The following RAB10 variants were observed in gnomAD, a reference collection of about 807,000 sequenced individuals.
The protein encoded by RAB10 is ras-related protein Rab-10.
A neutral mutation model predicts 25.7 loss-of-function variants in RAB10; 5 were observed. The observed-to-expected ratio is 0.19, with a 90% CI of 0.10 to 0.41. The LOEUF is 0.41. Ranked by LOEUF, RAB10 falls within the 10% of genes least tolerant of loss-of-function variation. The pLI is 1.00. For missense variants in RAB10, 103 were observed against 245.8 expected (o/e 0.42, Z 3.89); for synonymous variants, 89 against 86.4 (o/e 1.03, Z -0.16).
chr2:26,090,327 G>T (rs780574954), intron 1 of RAB10, among the ~76,000 whole-genome samples: 3 of 151,960 alleles, frequency 2.0e-5, no homozygotes, highest in Non-Finnish European at 4.4e-5. Flanking sequence ...GTTGAGAGTT[G>T]ATCTTTTAAG....
At chr2:26,107,559 G>GC (rs1667490448) in intron 2 of RAB10, among the ~76,000 whole-genome samples, 1 of 152,158 alleles carries the variant, frequency 6.6e-6, no homozygotes, top group Non-Finnish European at 1.5e-5. Context: ...ACTTTGGGAG[G>GC]CTGAGGCGGG....
At chr2:26,103,020 T>C (rs1667376656) in intron 2 of RAB10, among the ~76,000 whole-genome samples, 1 of 152,216 alleles carries the variant, frequency 6.6e-6, no homozygotes, top group Admixed American at 6.5e-5. Context: ...CTTGCATATT[T>C]TTATGGAAAA....
chr2:26,060,565 G>A (rs927482811), intron 1 of RAB10, among the ~76,000 whole-genome samples: 1 of 152,118 alleles, frequency 6.6e-6, no homozygotes, highest in Non-Finnish European at 1.5e-5. Flanking sequence ...TGGGATTATA[G>A]GCATGAGCCA....
In RAB10 at chr2:26,120,963, G is replaced by T. The variant is rs191299536; in HGVS notation, c.328-6181G>T. Among the ~76,000 whole-genome samples the T allele has an allele frequency of 5.2e-3, 792 of 151,996 alleles. 3 individuals are homozygous for T. The highest frequency in any genetic ancestry group is 8.6e-3 in the Non-Finnish European group (583 of 67,984). On this transcript the variant is annotated intron_variant, in intron 3 of 5. Coordinates refer to ENST00000264710, the MANE Select transcript of RAB10 (RefSeq NM_016131.5). Reference sequence around the variant, plus strand: ...GTCTTGCTCTGTCACCCAGGCTGGAGTGCAGTGGTATCATCTCAGCTCACT... The same window carrying T: ...GTCTTGCTCTGTCACCCAGGCTGGATTGCAGTGGTATCATCTCAGCTCACT...
intron 4 of RAB10, 67 bp from the exon 5 acceptor site, chr2:26,127,783 C>T: frequency 9.3e-7 from 1 of 1,079,094 alleles, no homozygotes. Context: ...AATATTTAAG[C>T]TGTTAAAGTC....
intron 1 of RAB10, among the ~76,000 whole-genome samples, chr2:26,052,632 G>A (rs996843830): frequency 1.3e-5 from 2 of 152,088 alleles, no homozygotes; most frequent in African/African-American, 2.4e-5. Context: ...TTGAATCTGA[G>A]CAGCTAAAGG....
At chr2:26,083,817 T>C (rs1013527421) in intron 1 of RAB10, among the ~76,000 whole-genome samples, 1 of 152,072 alleles carries the variant, frequency 6.6e-6, no homozygotes, top group Non-Finnish European at 1.5e-5. Context: ...CTGCACCTGC[T>C]TAATCAATTG....
intron 5 of RAB10, among the ~76,000 whole-genome samples, chr2:26,130,262 A>T (rs1267089345): frequency 6.6e-6 from 1 of 152,190 alleles, no homozygotes; most frequent in Non-Finnish European, 1.5e-5. Context: ...TTTGAAGAGC[A>T]AAAGAATAGA....
In RAB10 at chr2:26,113,201, A is replaced by G. The variant is rs558700901; in HGVS notation, c.327+3295A>G. ...AGAACCTGTCAATGTAATACACCAT[A>G]TTAATAGACGACAAAACCATACAGT... On this transcript the variant is annotated intron_variant, in intron 3 of 5. Coordinates refer to ENST00000264710, the MANE Select transcript of RAB10 (RefSeq NM_016131.5). 2.0e-4 allele frequency among the ~76,000 whole-genome samples: 30 copies of G among 152,346 alleles called. 1 individual carries two copies. Among genetic ancestry groups the G allele is most frequent in the East Asian group, 1.3e-3 (7 of 5,192 alleles).
chr2:26,133,403 A>T (rs2149291346), intron 5 of RAB10, among the ~76,000 whole-genome samples: 1 of 152,318 alleles, frequency 6.6e-6, no homozygotes, highest in East Asian at 1.9e-4. Context: ...AGGAATAGAA[A>T]AAAACTAATC....
At chr2:26,054,788 T>C (rs1490483240) in intron 1 of RAB10, among the ~76,000 whole-genome samples, 1 of 152,038 alleles carries the variant, frequency 6.6e-6, no homozygotes, top group East Asian at 1.9e-4. Flanking sequence ...CTCAAGAGAG[T>C]TTATTTTGCT....
chr2:26,112,159 C>T (rs1251737575), intron 3 of RAB10, among the ~76,000 whole-genome samples: 1 of 152,144 alleles, frequency 6.6e-6, no homozygotes, highest in African/African-American at 2.4e-5. Flanking sequence ...ATGTGTTCAC[C>T]GAATTGGAAT....
chr2:26,070,257 T>A (rs1165985783), intron 1 of RAB10, among the ~76,000 whole-genome samples: 1 of 152,190 alleles, frequency 6.6e-6, no homozygotes, highest in Non-Finnish European at 1.5e-5. Context: ...GAGAACTTGC[T>A]ACAGGCAGAT....
At chr2:26,102,497 G>A (rs1045437762) in intron 2 of RAB10, among the ~76,000 whole-genome samples, 2 of 145,824 alleles carry the variant, frequency 1.4e-5, no homozygotes, top group African/African-American at 5.2e-5. Flanking sequence ...GGAGTGCAGT[G>A]GCGCTATCTC....
At chr2:26,076,710 G>A (rs1281794277) in intron 1 of RAB10, among the ~76,000 whole-genome samples, 1 of 152,122 alleles carries the variant, frequency 6.6e-6, no homozygotes, top group African/African-American at 2.4e-5. Context: ...TTGGAAGGTA[G>A]AGGCGGGCAG....
intron 1 of RAB10, among the ~76,000 whole-genome samples, chr2:26,089,981 G>C (rs555803725): frequency 4.1e-4 from 63 of 152,228 alleles, no homozygotes; most frequent in Non-Finnish European, 7.6e-4. Context: ...AGAATTGTCA[G>C]ATCCTTTTGT....
At chr2:26,073,755 T>A (rs1666676083) in intron 1 of RAB10, among the ~76,000 whole-genome samples, 1 of 152,172 alleles carries the variant, frequency 6.6e-6, no homozygotes. Context: ...GTTGCCATAT[T>A]ACACTGTAGT....
chr2:26,117,619 CAAAAA>C (rs71399361), intron 3 of RAB10, among the ~76,000 whole-genome samples: 1 of 34,396 alleles, frequency 2.9e-5, no homozygotes, highest in African/African-American at 1.5e-4. Context: ...GACTCCGTCT[CAAAAA>C]AAAAAAAAAA....
intron 1 of RAB10, among the ~76,000 whole-genome samples, chr2:26,069,146 G>GTAAGGTGGTTTACCACCTTAC (rs1412610509): frequency 2.0e-5 from 3 of 152,122 alleles, no homozygotes; most frequent in Admixed American, 2.0e-4. Flanking sequence ...CAAAAAGTTG[G>GTAAGGTGGTTTACCACCTTAC]CTTTGGTAAG....
Sources: gnomAD v4.1 joint callset for allele counts (sites outside exome capture counted in the v4.1 genomes callset) on GRCh38, gnomAD v4.1.1 for gene constraint, MANE v1.5 for transcripts, NCBI Gene and HGNC (gene_info 2026-07-23, HGNC 2026-07-21) for gene names.